Variants in GALM observed in about 807,000 individuals in gnomAD.
GALM encodes galactose mutarotase.
A neutral mutation model predicts 37.4 loss-of-function variants in GALM; 43 were observed. The ratio of observed to expected loss-of-function variants is 1.15; its 90% CI spans 0.90 to 1.48. The LOEUF (loss-of-function observed/expected upper bound fraction) is 1.48. Among genes scored for constraint, GALM ranks in the 40% most tolerant of loss-of-function variants. GALM has a pLI of 0.00. For synonymous variants in GALM, 199 were observed against 170.6 expected (o/e 1.17, Z -1.30); for missense variants, 456 against 419.1 (o/e 1.09, Z -0.77).
intron 2 of GALM, among the ~76,000 whole-genome samples, chr2:38,676,588 C>A (rs559033196): frequency 6.6e-6 from 1 of 152,184 alleles, no homozygotes; most frequent in African/African-American, 2.4e-5. Context: ...CATGGTAAAA[C>A]CCCGTCTCTA....
intron 4 of GALM, among the ~76,000 whole-genome samples, chr2:38,713,337 T>C (rs1258242906): frequency 1.3e-5 from 2 of 152,196 alleles, no homozygotes; most frequent in Admixed American, 1.3e-4. Context: ...GGCCATTGGC[T>C]GACTGATCCT....
intron 1 of GALM, among the ~76,000 whole-genome samples, chr2:38,669,824 G>A (rs1665043467): frequency 6.6e-6 from 1 of 151,596 alleles, no homozygotes; most frequent in Non-Finnish European, 1.5e-5. Flanking sequence ...AGTGAGCCGA[G>A]ATTGTGCTAC....
At chr2:38,694,180 C>CA (rs1033095086) in intron 4 of GALM, among the ~76,000 whole-genome samples, 24 of 146,856 alleles carry the variant, frequency 1.6e-4, no homozygotes, top group African/African-American at 3.8e-4. Context: ...GACCCTGTCT[C>CA]AAAAAAAAAG....
chr2:38,699,657 G>A (rs920892511), intron 4 of GALM, among the ~76,000 whole-genome samples: 8 of 152,142 alleles, frequency 5.3e-5, no homozygotes, highest in African/African-American at 1.7e-4. Flanking sequence ...TCTTAAAAAA[G>A]AAAAGAGAAG....
chr2:38,692,867 A>G lies in GALM; in HGVS notation c.634+2973A>G, dbSNP rs150299810. 2.6e-5 allele frequency among the ~76,000 whole-genome samples: 4 copies of G among 152,306 alleles called. No individual in the cohort carries two copies. The East Asian group carries it at 7.7e-4, about 29-fold the overall frequency. On this transcript the variant is annotated intron_variant, in intron 4 of 6. Coordinates refer to ENST00000272252, the MANE Select transcript of GALM (RefSeq NM_138801.3). ...GAGAAAGGTGTTCCAGATAAAGATG[A>G]ACAAGCGTGGGCGGTGCAAGAAATA... is the stretch of plus-strand genomic sequence containing the variant.
chr2:38,715,288 T>C (rs937675778), intron 4 of GALM, among the ~76,000 whole-genome samples: 2 of 152,236 alleles, frequency 1.3e-5, no homozygotes, highest in African/African-American at 4.8e-5. Context: ...CAGCATATAC[T>C]TGGGTCTTGC....
chr2:38,673,824 AG>A lies in GALM; in HGVS notation c.191-2085del, dbSNP rs573898031. 2.7e-5 allele frequency among the ~76,000 whole-genome samples: 4 copies of A among 149,876 alleles called. No individual in the cohort carries two copies. In the East Asian group the frequency reaches 6.4e-4, roughly 24 times the overall value. On this transcript the variant is annotated intron_variant, in intron 1 of 6. Coordinates refer to ENST00000272252, the MANE Select transcript of GALM (RefSeq NM_138801.3). ...GACTCCGTCTCAAAAAAAAAAAAAAAGGGAACTCAAAAAAAAATAAAAAGGA... is the reference window on the plus strand; with the variant it reads ...GACTCCGTCTCAAAAAAAAAAAAAAAGGAACTCAAAAAAAAATAAAAAGGA...
Position 38,687,166 on chromosome 2 carries a change from C to A in GALM, c.553-2647C>A, listed in dbSNP as rs552241257. Among the ~76,000 whole-genome samples the A allele has an allele frequency of 2.0e-5, 3 of 152,328 alleles. No homozygotes were observed. In the East Asian group the frequency reaches 5.8e-4, roughly 29 times the overall value. On this transcript the variant is annotated intron_variant, in intron 3 of 6. Transcript: ENST00000272252. ...TCCTCTCCCACAGTCCCAGGGGCAT[C>A]TCCAGGTGCTGGCACCACCCTGAGG... is the stretch of plus-strand genomic sequence containing the variant.
intron 3 of GALM, among the ~76,000 whole-genome samples, chr2:38,688,630 T>C (rs750914097): frequency 8.5e-5 from 13 of 152,210 alleles, no homozygotes; most frequent in African/African-American, 2.4e-4. Flanking sequence ...TCACTTGGTT[T>C]CCCTTCCACA....
intron 4 of GALM, among the ~76,000 whole-genome samples, chr2:38,710,523 C>A (rs1403559745): frequency 2.0e-5 from 3 of 152,140 alleles, no homozygotes; most frequent in Non-Finnish European, 4.4e-5. Context: ...CTGGCATGTC[C>A]CCCAAGTATT....
intron 2 of GALM, among the ~76,000 whole-genome samples, chr2:38,676,600 G>A (rs531135214): frequency 3.5e-4 from 53 of 151,818 alleles, no homozygotes; most frequent in Non-Finnish European, 4.3e-4. Flanking sequence ...CCGTCTCTAC[G>A]AAAAATACAA....
intron 4 of GALM, among the ~76,000 whole-genome samples, chr2:38,727,900 C>T (rs1666520249): frequency 6.6e-6 from 1 of 152,074 alleles, no homozygotes; most frequent in Admixed American, 6.6e-5. Flanking sequence ...GGTACAAGTT[C>T]CTGCTTTTTC....
intron 4 of GALM, among the ~76,000 whole-genome samples, chr2:38,724,938 A>G (rs1026850576): frequency 6.6e-6 from 1 of 152,182 alleles, no homozygotes; most frequent in Non-Finnish European, 1.5e-5. Flanking sequence ...GACCTGATGT[A>G]TGCCCTCTGT....
chr2:38,701,030 A>C (rs541102011), intron 4 of GALM, among the ~76,000 whole-genome samples: 316 of 152,302 alleles, frequency 2.1e-3, no homozygotes, highest in Non-Finnish European at 3.6e-3. Context: ...TTTGTCTGAG[A>C]CATGTCAGGC....
intron 4 of GALM, among the ~76,000 whole-genome samples, chr2:38,710,005 C>A (rs974460781): frequency 6.6e-6 from 1 of 152,188 alleles, no homozygotes; most frequent in Non-Finnish European, 1.5e-5. Flanking sequence ...TCATGGAGAC[C>A]AGACTCTAGC....
intron 3 of GALM, among the ~76,000 whole-genome samples, chr2:38,683,843 AG>A (rs1665462125): frequency 6.6e-6 from 1 of 152,212 alleles, no homozygotes; most frequent in African/African-American, 2.4e-5. Context: ...CTAGGATTAC[AG>A]GCGTGAGCCA....
rs1406498106 is a variant in GALM, at chr2:38,675,565, G to T, written c.191-347G>T. Among the ~76,000 whole-genome samples, 379 of 131,158 alleles carry T rather than the reference G, an allele frequency of 2.9e-3. 19 individuals carry two copies. Among genetic ancestry groups the T allele is most frequent in the African/African-American group, 0.011 (350 of 32,970 alleles). The allele number at this position is 131,158 out of a possible 152,430, so 86.0% of individuals were successfully genotyped here. A position where few individuals can be genotyped will look rare whatever the true frequency, so the allele number is the denominator to read the frequency against. On this transcript the variant is annotated intron_variant, in intron 1 of 6. Coordinates refer to ENST00000272252, the MANE Select transcript of GALM (RefSeq NM_138801.3). ...TTTTTGTGTGTGTGTGTGTGTGTGT[G>T]TGTGTGTGTGTGTGTGTGTGTGTGA...
rs1445438423 is a variant in GALM, at chr2:38,666,176, C to T, written c.15C>T (p.Thr5=). Residue 5 remains threonine, a synonymous_variant, in exon 1 of 7, where the codon ACC becomes ACT. Coordinates refer to ENST00000272252, the MANE Select transcript of GALM (RefSeq NM_138801.3). ...AAACTTTCCCTATGGCTTCGGTGAC[C>T]AGGGCCGTGTTTGGAGAGCTGCCCT... MASV[T]RAVFGELPSG... 4 of 1,612,374 alleles carry T rather than the reference C, an allele frequency of 2.5e-6. No individual in the cohort carries two copies. In the African/African-American group the frequency reaches 5.3e-5, roughly 22 times the overall value.
chr2:38,674,191 C>CT lies in GALM; in HGVS notation c.191-1702dup, dbSNP rs202079509. 3.4e-3 allele frequency among the ~76,000 whole-genome samples: 463 copies of CT among 134,460 alleles called. 1 individual carries two copies. The highest frequency in any genetic ancestry group is 5.2e-3 in the African/African-American group (191 of 36,560). 88.2% of individuals were successfully genotyped at this position (134,460 alleles called of 152,430 possible). On this transcript the variant is annotated intron_variant, in intron 1 of 6. Transcript: ENST00000272252. ...GTGGATTTCAAATAAACAGCTTATACTTTTTTTTTTTTTTTTTTTGAGACA... is the reference window on the plus strand; with the variant it reads ...GTGGATTTCAAATAAACAGCTTATACTTTTTTTTTTTTTTTTTTTTGAGACA...
Sources: allele counts gnomAD v4.1 joint callset (sites outside exome capture counted in the v4.1 genomes callset), GRCh38; gene constraint gnomAD v4.1.1; transcripts MANE v1.5; gene names NCBI Gene and HGNC (gene_info 2026-07-23, HGNC 2026-07-21).